Variants in SV2C observed in about 807,000 individuals in gnomAD.
SV2C encodes synaptic vesicle glycoprotein 2C.
A neutral mutation model predicts 79.7 loss-of-function variants in SV2C; 49 were observed. The observed-to-expected ratio is 0.61, with a 90% confidence interval of 0.49 to 0.78. The LOEUF is 0.78. Among genes scored for constraint, SV2C ranks in the 30% least tolerant of loss-of-function variants. The pLI is 0.00. For missense variants in SV2C, 833 were observed against 912.9 expected (o/e 0.91, Z 1.13); for synonymous variants, 334 against 333.2 (o/e 1.00, Z -0.03).
chr5:76,171,542 G>C (rs1226746484), intron 2 of SV2C, among the ~76,000 whole-genome samples: 1 of 139,408 alleles, frequency 7.2e-6, no homozygotes, highest in Non-Finnish European at 1.6e-5. Context: ...CTCTCCGCCC[G>C]GCAGCCACCC....
chr5:75,916,990 C>T, the SV2C span, among the ~76,000 whole-genome samples: 1 of 152,204 alleles, frequency 6.6e-6, no homozygotes, highest in Non-Finnish European at 1.5e-5. Context: ...GTGGATTCTC[C>T]ACCGTCTCCA....
the SV2C span, among the ~76,000 whole-genome samples, chr5:75,981,048 A>G: frequency 1.3e-5 from 2 of 152,154 alleles, no homozygotes; most frequent in Admixed American, 6.5e-5. Flanking sequence ...CAAAAATATC[A>G]CTAGCATTCC....
chr5:76,094,885 G>C (rs538389257), intron 1 of SV2C, among the ~76,000 whole-genome samples: 47 of 151,998 alleles, frequency 3.1e-4, no homozygotes, highest in Non-Finnish European at 6.3e-4. Context: ...TTTCCTCCTA[G>C]TGTGGCTTGT....
chr5:76,339,713 CAAAA>C (rs536302675), intron 12 of SV2C, among the ~76,000 whole-genome samples: 1 of 77,840 alleles, frequency 1.3e-5, no homozygotes, highest in African/African-American at 3.9e-5. Context: ...GACTCTGTCT[CAAAA>C]AAAAAAAAAA....
the SV2C span, among the ~76,000 whole-genome samples, chr5:75,991,563 C>T: frequency 8.4e-6 from 1 of 118,548 alleles, no homozygotes; most frequent in Admixed American, 9.3e-5. Flanking sequence ...AGTTTCTTAG[C>T]AAGATATATA....
At chr5:76,020,979 A>C in the SV2C span, among the ~76,000 whole-genome samples, 1 of 152,192 alleles carries the variant, frequency 6.6e-6, no homozygotes, top group Admixed American at 6.6e-5. Flanking sequence ...AAGAAATAAA[A>C]TTTTACTGCA....
chr5:76,113,944 A>G (rs1748175673), intron 1 of SV2C, among the ~76,000 whole-genome samples: 1 of 152,116 alleles, frequency 6.6e-6, no homozygotes, highest in South Asian at 2.1e-4. Context: ...ACACACATAT[A>G]TACACATACA....
intron 4 of SV2C, among the ~76,000 whole-genome samples, chr5:76,247,790 C>A (rs1745987635): frequency 6.6e-6 from 1 of 152,140 alleles, no homozygotes; most frequent in Non-Finnish European, 1.5e-5. Flanking sequence ...ACAGTTGCCC[C>A]AACCAAAGCC....
intron 2 of SV2C, among the ~76,000 whole-genome samples, chr5:76,181,589 T>C (rs780669020): frequency 6.6e-6 from 1 of 151,738 alleles, no homozygotes; most frequent in Non-Finnish European, 1.5e-5. Flanking sequence ...CTTACCATGG[T>C]GGAGCAGGAG....
the SV2C span, among the ~76,000 whole-genome samples, chr5:75,882,058 T>C: frequency 2.0e-5 from 3 of 150,380 alleles, no homozygotes; most frequent in African/African-American, 5.0e-5. Flanking sequence ...GAGATAATCA[T>C]GTGGTTTTTG....
At chr5:76,029,483 T>C in the SV2C span, among the ~76,000 whole-genome samples, 11 of 152,068 alleles carry the variant, frequency 7.2e-5, no homozygotes, top group Non-Finnish European at 2.9e-5. Context: ...GATACAGTCA[T>C]CTGCATTTTA....
the SV2C span, among the ~76,000 whole-genome samples, chr5:75,943,353 CAAT>C: frequency 6.6e-6 from 1 of 152,106 alleles, no homozygotes; most frequent in Non-Finnish European, 1.5e-5. Flanking sequence ...ATTTTTTTCC[CAAT>C]AACATTGGCC....
chr5:75,950,318 CA>C, the SV2C span, among the ~76,000 whole-genome samples: 362 of 152,098 alleles, frequency 2.4e-3, 2 homozygotes, highest in African/African-American at 8.4e-3. Context: ...TAGGCCATTA[CA>C]AATGAATTTA....
Position 76,132,341 on chromosome 5 carries a change from G to A in SV2C, c.580+11G>A, listed in dbSNP as rs537436682. 1.9e-5 allele frequency: 31 copies of A among 1,594,480 alleles called. No homozygotes were observed. In the East Asian group the frequency reaches 6.3e-4, roughly 32 times the overall value. ...GATCTGGATGGCTAGGTGAGTGTGT[G>A]GTGTCAGTGAGGCCAACTCTGAAAC... On this transcript the variant is annotated intron_variant, in intron 2 of 12. Transcript: ENST00000502798.
At chr5:75,972,643 G>T in the SV2C span, among the ~76,000 whole-genome samples, 4 of 152,044 alleles carry the variant, frequency 2.6e-5, no homozygotes, top group African/African-American at 9.7e-5. Flanking sequence ...TCTCACACAA[G>T]TTAGAATGGC....
At chr5:76,075,494 G>T in the SV2C span, 1 of 159,840 alleles carries the variant, frequency 6.3e-6, no homozygotes. Context: ...GGGGGTCGGA[G>T]CTCTGGGCAA....
intron 12 of SV2C, among the ~76,000 whole-genome samples, chr5:76,344,492 G>A (rs1040414129): frequency 2.6e-4 from 40 of 152,084 alleles, no homozygotes; most frequent in African/African-American, 8.0e-4. Flanking sequence ...GCGGATCACC[G>A]GAGGTCAGGA....
chr5:76,267,813 G>T (rs1746715541), intron 4 of SV2C, among the ~76,000 whole-genome samples: 1 of 152,232 alleles, frequency 6.6e-6, no homozygotes, highest in African/African-American at 2.4e-5. Context: ...AAAGGAAAGA[G>T]CCTGGGCTGA....
chr5:76,158,964 A>G (rs1742820143), intron 2 of SV2C, among the ~76,000 whole-genome samples: 1 of 152,108 alleles, frequency 6.6e-6, no homozygotes, highest in African/African-American at 2.4e-5. Context: ...GATTTATCTC[A>G]GGAATGCCCT....
Sources: allele counts gnomAD v4.1 joint callset (sites outside exome capture counted in the v4.1 genomes callset), GRCh38; gene constraint gnomAD v4.1.1; transcripts MANE v1.5; gene names NCBI Gene and HGNC (gene_info 2026-07-23, HGNC 2026-07-21).